The following ULK4 variants were observed in gnomAD, a reference collection of about 807,000 sequenced individuals.
ULK4 encodes unc-51 like kinase 4, also known as inactive serine/threonine-protein kinase ULK4.
Under a neutral mutation model 160.6 loss-of-function variants are expected in ULK4, and 133 were observed. The observed-to-expected ratio is 0.83, with a 90% CI of 0.72 to 0.96. The LOEUF (loss-of-function observed/expected upper bound fraction) is 0.96. ULK4 is among the 40% of genes least tolerant of loss of function. The pLI is 0.00. For synonymous variants in ULK4, 534 were observed against 539.8 expected (o/e 0.99, Z 0.15); for missense variants, 1,580 against 1,499.5 (o/e 1.05, Z -0.89).
intron 34 of ULK4, among the ~76,000 whole-genome samples, chr3:41,420,119 A>G (rs1390190296): frequency 6.6e-6 from 1 of 152,144 alleles, no homozygotes; most frequent in Non-Finnish European, 1.5e-5. Context: ...ATGTAAGGAA[A>G]AAAAAAGAGT....
intron 35 of ULK4, among the ~76,000 whole-genome samples, chr3:41,374,871 T>C (rs1467833333): frequency 6.6e-6 from 1 of 152,264 alleles, no homozygotes; most frequent in Non-Finnish European, 1.5e-5. Flanking sequence ...ATGACATGAC[T>C]GTATATTTAG....
intron 35 of ULK4, among the ~76,000 whole-genome samples, chr3:41,359,210 G>A (rs762759553): frequency 1.1e-4 from 16 of 152,228 alleles, no homozygotes; most frequent in Non-Finnish European, 2.4e-4. Context: ...GAAGCCTGAG[G>A]TGCCAATGAG....
At chr3:41,770,605 G>A (rs1345058956) in intron 21 of ULK4, among the ~76,000 whole-genome samples, 1 of 150,742 alleles carries the variant, frequency 6.6e-6, no homozygotes, top group Non-Finnish European at 1.5e-5. Flanking sequence ...CAGTCTCCCA[G>A]GTTCAAGTGA....
intron 18 of ULK4, 77 bp downstream of exon 18, chr3:41,835,787 T>C (rs1343188701): frequency 1.4e-5 from 16 of 1,127,120 alleles, no homozygotes; most frequent in Non-Finnish European, 1.9e-5. Flanking sequence ...AAAAAACTTT[T>C]ATAGGATATT....
chr3:41,462,339 C>G (rs2083705980), intron 33 of ULK4, among the ~76,000 whole-genome samples: 1 of 152,162 alleles, frequency 6.6e-6, no homozygotes, highest in African/African-American at 2.4e-5. Flanking sequence ...ATATACATCT[C>G]TTGCAATTGT....
intron 35 of ULK4, among the ~76,000 whole-genome samples, chr3:41,297,191 C>A (rs540385407): frequency 6.6e-6 from 1 of 152,336 alleles, no homozygotes; most frequent in South Asian, 2.1e-4. Context: ...GCCTGCTGTG[C>A]ATCAGCATCA....
intron 34 of ULK4, among the ~76,000 whole-genome samples, chr3:41,403,091 G>A (rs1475791585): frequency 2.0e-5 from 3 of 151,722 alleles, no homozygotes; most frequent in African/African-American, 7.3e-5. Context: ...CAGAGGTTGT[G>A]GTGAGCCAAT....
intron 18 of ULK4, 38 bp downstream of exon 18, chr3:41,835,826 C>A: frequency 6.9e-7 from 1 of 1,454,604 alleles, no homozygotes. Context: ...TATGTCAGAA[C>A]ATGTCAAACA....
intron 32 of ULK4, among the ~76,000 whole-genome samples, chr3:41,536,943 T>C (rs1047328333): frequency 2.0e-5 from 3 of 152,216 alleles, no homozygotes; most frequent in Non-Finnish European, 2.9e-5. Flanking sequence ...TCAGTGCCCA[T>C]ATAAAAATAA....
intron 5 of ULK4, among the ~76,000 whole-genome samples, chr3:41,922,402 G>A (rs961054792): frequency 2.0e-5 from 3 of 152,062 alleles, no homozygotes; most frequent in Non-Finnish European, 2.9e-5. Context: ...TGGGGGAATC[G>A]CTTCAGTCCA....
chr3:41,501,539 CAAAT>C (rs962603428), intron 32 of ULK4, among the ~76,000 whole-genome samples: 24 of 151,996 alleles, frequency 1.6e-4, no homozygotes, highest in Non-Finnish European at 2.6e-4. Flanking sequence ...TTAAAATTGA[CAAAT>C]AAAAATTGTA....
intron 35 of ULK4, among the ~76,000 whole-genome samples, chr3:41,265,422 T>C (rs2079013872): frequency 6.6e-6 from 1 of 152,222 alleles, no homozygotes; most frequent in Admixed American, 6.5e-5. Flanking sequence ...TCCTCCAGAC[T>C]TCACCTCATA....
intron 31 of ULK4, among the ~76,000 whole-genome samples, chr3:41,605,198 G>A (rs1575475953): frequency 6.7e-6 from 1 of 150,350 alleles, no homozygotes; most frequent in East Asian, 2.0e-4. Context: ...AGCAGAAAAA[G>A]ACATAAAGAA....
intron 32 of ULK4, among the ~76,000 whole-genome samples, chr3:41,494,754 G>A (rs377207920): frequency 1.6e-4 from 24 of 152,098 alleles, no homozygotes; most frequent in East Asian, 7.7e-4. Context: ...AAATCAATGT[G>A]CAAAAATCAC....
chr3:41,858,756 C>G (rs1189607503), intron 17 of ULK4, among the ~76,000 whole-genome samples: 2 of 151,490 alleles, frequency 1.3e-5, no homozygotes, highest in Non-Finnish European at 2.9e-5. Flanking sequence ...CTGCCTACCT[C>G]AGTCTCCCAA....
intron 35 of ULK4, among the ~76,000 whole-genome samples, chr3:41,295,059 G>A (rs911511321): frequency 6.6e-6 from 1 of 152,156 alleles, no homozygotes. Context: ...ACTAAAAAGC[G>A]ACAGTAATCA....
rs547717244 is a variant in ULK4, at chr3:41,482,942, T to A, written c.3227-19689A>T. On this transcript the variant is annotated intron_variant, in intron 32 of 36. Transcript: ENST00000301831. ...TACATGAGATATTTTGGTGCAGGCA[T>A]CTGATGTATAATAATCACATCAGGG... Among the ~76,000 whole-genome samples, 7 of 152,322 alleles carry A rather than the reference T, an allele frequency of 4.6e-5. No homozygotes were observed. In the South Asian group the frequency reaches 1.4e-3, roughly 32 times the overall value.
chr3:41,285,280 C>T (rs1357988628), intron 35 of ULK4, among the ~76,000 whole-genome samples: 1 of 152,192 alleles, frequency 6.6e-6, no homozygotes, highest in Non-Finnish European at 1.5e-5. Context: ...GAAAAAGATA[C>T]TTGCACACGC....
At chr3:41,746,559 A>G (rs1305972296) in intron 22 of ULK4, among the ~76,000 whole-genome samples, 1 of 151,712 alleles carries the variant, frequency 6.6e-6, no homozygotes, top group Non-Finnish European at 1.5e-5. Flanking sequence ...TAGAGTAAAT[A>G]TATCAACTAT....
Sources: gnomAD v4.1 joint callset for allele counts (sites outside exome capture counted in the v4.1 genomes callset) on GRCh38, gnomAD v4.1.1 for gene constraint, MANE v1.5 for transcripts, NCBI Gene and HGNC (gene_info 2026-07-23, HGNC 2026-07-21) for gene names.